The following SETD1A variants were observed in gnomAD, a reference collection of about 807,000 sequenced individuals.
SETD1A encodes the protein SET domain containing 1A, histone lysine methyltransferase.
In SETD1A, 29 loss-of-function variants were observed where a neutral mutation model predicts 149.9. The ratio of observed to expected loss-of-function variants is 0.19; its 90% confidence interval spans 0.14 to 0.26. SETD1A has a LOEUF of 0.26. SETD1A is among the 10% of genes least tolerant of loss of function. The pLI, the probability that SETD1A is intolerant of heterozygous loss-of-function variation, is 1.00. For synonymous variants in SETD1A, 1,141 were observed against 968.5 expected, an observed-to-expected ratio of 1.18 and a Z score of -3.31; for missense variants, 2,109 against 2,353.1, an observed-to-expected ratio of 0.90 and a Z score of 2.15.
chr16:30,967,086 G>A, intron 9 of SETD1A, 26 bp downstream of exon 9: 2 of 1,509,412 alleles, frequency 1.3e-6, no homozygotes, highest in Non-Finnish European at 1.8e-6. Context: ...GTTTTGTGGG[G>A]TAGGGTGGGG....
intron 13 of SETD1A, 79 bp from the exon 14 acceptor site, chr16:30,979,066 G>A: frequency 7.1e-7 from 1 of 1,404,902 alleles, no homozygotes; most frequent in Non-Finnish European, 9.5e-7. Flanking sequence ...AGAGCACACA[G>A]CCTGTGGTCA....
rs2143586335 is a variant in SETD1A at position 30,980,378 on chromosome 16, C to G, written c.4409-107C>G. The stretch of plus-strand genomic sequence containing the variant: ...AGGAACGATGGGGCTGGGGCTTCCT[C>G]CCCTGTCCCTCACCTGGGTATGCTC... On this transcript the variant is annotated intron_variant, in intron 14 of 18. Coordinates refer to ENST00000262519, the MANE Select transcript of SETD1A (RefSeq NM_014712.3). The surrounding 1 kb of genome is among the most constrained non-coding windows in gnomAD (Gnocchi z 7.7). The G allele has an allele frequency of 2.0e-6, 3 of 1,474,626 alleles. No individual in the cohort carries two copies. Among genetic ancestry groups the G allele is most frequent in the Non-Finnish European group, 2.7e-6 (3 of 1,092,508 alleles). The allele number at this position is 1,474,626 out of a possible 1,614,324, so 91.3% of individuals were successfully genotyped here.
Position 30,961,661 on chromosome 16 carries a change from C to T in SETD1A, c.517+124C>T. Reference sequence around the variant, plus strand: ...GAAACTGCTGGGGCCAGTTGTGTTTCTGAAATCAGATCAGATTTTAGAGTG... The same window carrying T: ...GAAACTGCTGGGGCCAGTTGTGTTTTTGAAATCAGATCAGATTTTAGAGTG... On this transcript the variant is annotated intron_variant, in intron 4 of 18. Coordinates refer to ENST00000262519, the MANE Select transcript of SETD1A (RefSeq NM_014712.3). The surrounding 1 kb of genome is among the most constrained non-coding windows in gnomAD (Gnocchi z 4.0). 1.2e-6 allele frequency: 1 copy of T among 847,156 alleles called. No individual in the cohort carries two copies. The highest frequency in any genetic ancestry group is 2.8e-5 in the Admixed American group (1 of 35,870). 52.5% of individuals were successfully genotyped at this position (847,156 alleles called of 1,614,324 possible).
rs757130860 is a variant in SETD1A at position 30,983,791 on chromosome 16, G to A, written c.4950+19G>A. On this transcript the variant is annotated intron_variant, in intron 18 of 18. Coordinates refer to ENST00000262519, the MANE Select transcript of SETD1A (RefSeq NM_014712.3). The surrounding 1 kb of genome is among the most constrained non-coding windows in gnomAD (Gnocchi z 6.8). ...CTGCACGGTGCGCCAGGGGCCAGCC[G>A]GGGCAGGAGTTGGGGGTCGGTGGGG... The A allele has an allele frequency of 6.2e-6, 10 of 1,612,992 alleles. No individual in the cohort carries two copies. The highest frequency in any genetic ancestry group is 2.2e-5 in the South Asian group (2 of 91,044).
rs767546015 is a variant in SETD1A at position 30,971,712 on chromosome 16, G to C, written c.3351G>C (p.Arg1117Ser). The C allele has an allele frequency of 6.4e-7, 1 of 1,564,304 alleles. No individual in the cohort carries two copies. The highest frequency in any genetic ancestry group is 8.7e-7 in the Non-Finnish European group (1 of 1,152,130). Residue 1117 changes from arginine to serine, a missense_variant, in exon 13 of 19, where the codon AGG (arginine) becomes AGC (serine). Transcript: ENST00000262519. ...PLPEQEASPA[R>S]PAGPTEESPP... ...CCGAACAGGAGGCGTCTCCAGCAAG[G>C]CCTGCAGGTAGGTGCCACAGGGCTG... is the stretch of plus-strand genomic sequence containing the variant.
In SETD1A at chr16:30,964,813, T is replaced by C. The variant is rs2056113776; in HGVS notation, c.1071T>C (p.Ser357=). The change falls in exon 7 of 19, where the codon TCT becomes TCC. Residue 357 remains serine (S), a synonymous_variant. Coordinates refer to ENST00000262519, the MANE Select transcript of SETD1A (RefSeq NM_014712.3). ...SSSSSSSSSS[S]QFRSSDANYP... Reference sequence around the variant, plus strand: ...CGTCATCCTCTTCCTCCTCGTCCTCTCAGTTTCGTAGTTCTGATGCAAACT... The same window carrying C: ...CGTCATCCTCTTCCTCCTCGTCCTCCCAGTTTCGTAGTTCTGATGCAAACT... 6.8e-6 allele frequency: 11 copies of C among 1,614,096 alleles called. No individual in the cohort carries two copies. Among genetic ancestry groups the C allele is most frequent in the Non-Finnish European group, 8.5e-6 (10 of 1,179,978 alleles).
rs375786185 is a variant in SETD1A, at chr16:30,969,473, G to T, written c.2928+11G>T. 1 of 1,603,808 alleles carries T rather than the reference G, an allele frequency of 6.2e-7. No individual in the cohort carries two copies. The highest frequency in any genetic ancestry group is 1.1e-5 in the South Asian group (1 of 89,936). ...TCCTCCTCGGAGAAGGTGAGGGCCC[G>T]GGCGCCGGCTCCTGGCCGAAGCCTA... On this transcript the variant is annotated intron_variant, in intron 11 of 18. Coordinates refer to ENST00000262519, the MANE Select transcript of SETD1A (RefSeq NM_014712.3).
rs1480490747 is a variant in SETD1A at position 30,965,340 on chromosome 16, G to C, written c.1598G>C (p.Gly533Ala). ...GATACAGGGAGTGAGGTGCCTTCTG[G>C]GTCAGGGCATGGGCCCTGCACACCC... is the stretch of plus-strand genomic sequence containing the variant. ...ARDTGSEVPS[G>A]SGHGPCTPPP... The change falls in exon 7 of 19, where the codon GGG becomes GCG. Residue 533 changes from glycine (G) to alanine (A), a missense_variant. Transcript: ENST00000262519. 6.2e-7 allele frequency: 1 copy of C among 1,614,152 alleles called. No individual in the cohort carries two copies. Among genetic ancestry groups the C allele is most frequent in the African/African-American group, 1.3e-5 (1 of 75,054 alleles).
intron 10 of SETD1A, among the ~76,000 whole-genome samples, chr16:30,968,996 T>TA (rs1007007686): frequency 6.6e-6 from 1 of 151,778 alleles, no homozygotes; most frequent in Non-Finnish European, 1.5e-5. Flanking sequence ...TAGTCCCAGT[T>TA]ACTCAGGAGA....
In SETD1A at chr16:30,964,212, G is replaced by A. The variant is rs148087764; in HGVS notation, c.758G>A (p.Arg253Gln). The change falls in exon 6 of 19, where the codon CGA becomes CAA. Residue 253 changes from arginine (R) to glutamine (Q), a missense_variant. By Grantham distance (43) the Arg-to-Gln change is conservative. Transcript: ENST00000262519. ...CSQDTSFSSS[R>Q]QDTPSSFGQF... is the part of the protein sequence containing the mutation. The stretch of plus-strand genomic sequence containing the variant: ...CAGGACACAAGCTTCTCCAGCAGCC[G>A]ACAAGATACCCCATCTTCCTTTGGC... The A allele has an allele frequency of 1.5e-5, 25 of 1,613,874 alleles. No individual in the cohort carries two copies. The highest frequency in any genetic ancestry group is 4.0e-5 in the African/African-American group (3 of 74,838).
intron 12 of SETD1A, 113 bp downstream of exon 12, chr16:30,969,802 C>T: frequency 1.2e-6 from 1 of 839,734 alleles, no homozygotes; most frequent in Non-Finnish European, 2.0e-6. Flanking sequence ...GTCACCTTTG[C>T]CTTCTGCAAG....
At chr16:30,977,193 C>T (rs576168081) in intron 13 of SETD1A, among the ~76,000 whole-genome samples, 1 of 152,364 alleles carries the variant, frequency 6.6e-6, no homozygotes, top group African/African-American at 2.4e-5. Flanking sequence ...GTCCACCCGC[C>T]TCGGCCTCCC....
At chr16:30,974,914 G>A (rs949105530) in intron 13 of SETD1A, among the ~76,000 whole-genome samples, 10 of 151,988 alleles carry the variant, frequency 6.6e-5, no homozygotes, top group African/African-American at 1.2e-4. Flanking sequence ...GGGCTGAGGC[G>A]GGCAGATCAC....
In SETD1A at chr16:30,964,110, G is replaced by A. The variant is rs772143385; in HGVS notation, c.656G>A (p.Arg219His). 15 of 1,612,924 alleles carry A rather than the reference G, an allele frequency of 9.3e-6. No homozygotes were observed. The highest frequency in any genetic ancestry group is 3.3e-5 in the South Asian group (3 of 91,068). Residue 219 changes from arginine to histidine, a missense_variant, in exon 6 of 19, where the codon CGC (arginine) becomes CAC (histidine). Arg to His is a conservative substitution (Grantham distance 29). Transcript: ENST00000262519. ...TCGCTCTAGGCCGAATCCCGCCGCC[G>A]CTCTTCCTCTGACACAGCTGCCTAC... ...AATETAESRR[R>H]SSSDTAAYPA...
In SETD1A at chr16:30,980,810, C is replaced by T. The variant is rs1453011547; in HGVS notation, c.4653C>T (p.Ala1551=). ...RRLLSAIGTS[A]IMDSDLLKLN... ...TGCTGAGCGCCATCGGTACCTCCGC[C>T]ATCATGGACAGTGACCTGCTGAAAC... Residue 1551 remains alanine, a synonymous_variant, in exon 16 of 19, where the codon GCC becomes GCT. Coordinates refer to ENST00000262519, the MANE Select transcript of SETD1A (RefSeq NM_014712.3). The surrounding 1 kb of genome is among the most constrained non-coding windows in gnomAD (Gnocchi z 7.7). 1 of 1,549,294 alleles carries T rather than the reference C, an allele frequency of 6.5e-7. No individual in the cohort carries two copies. Among genetic ancestry groups the T allele is most frequent in the African/African-American group, 1.4e-5 (1 of 71,766 alleles).
chr16:30,961,147 C>T lies in SETD1A; in HGVS notation c.247-120C>T. The stretch of plus-strand genomic sequence containing the variant: ...GGATCCCTTATTTTGGGCCCCTTCC[C>T]TTGCCCCTCACTTTCCCGGATCTCT... On this transcript the variant is annotated intron_variant, in intron 3 of 18. Coordinates refer to ENST00000262519, the MANE Select transcript of SETD1A (RefSeq NM_014712.3). This position sits in a 1 kb window ranked among gnomAD's most constrained non-coding sequence, Gnocchi z 4.0. 9.7e-7 allele frequency: 1 copy of T among 1,031,278 alleles called. No individual in the cohort carries two copies. The highest frequency in any genetic ancestry group is 1.5e-6 in the Non-Finnish European group (1 of 676,854). 63.9% of individuals were successfully genotyped at this position (1,031,278 alleles called of 1,614,324 possible).
intron 5 of SETD1A, among the ~76,000 whole-genome samples, 158 bp downstream of exon 5, chr16:30,963,712 G>C (rs927293570): frequency 9.9e-5 from 15 of 152,214 alleles, no homozygotes; most frequent in Non-Finnish European, 1.9e-4. Flanking sequence ...GGAACTAGGG[G>C]CCAGGCACAG....
At position 30,966,985 on chromosome 16, in the gene SETD1A, C is replaced by T. The variant is rs776505959; in HGVS notation, c.2607C>T (p.Ser869=). ...GLLSLVDWAK[S]GGTTGIEAFA... ...TGTCCCTCGTGGACTGGGCCAAGAG[C>T]GGGGGCACTACGGGCATCGAGGCTT... The change falls in exon 9 of 19, where the codon AGC becomes AGT. Residue 869 remains serine, a synonymous_variant. Coordinates refer to ENST00000262519, the MANE Select transcript of SETD1A (RefSeq NM_014712.3). 6.3e-6 allele frequency: 10 copies of T among 1,594,622 alleles called. No individual in the cohort carries two copies. In the East Asian group the frequency reaches 6.8e-5, roughly 11 times the overall value.
chr16:30,967,452 C>T, intron 9 of SETD1A, 49 bp from the exon 10 acceptor site: 2 of 1,556,676 alleles, frequency 1.3e-6, no homozygotes, highest in Non-Finnish European at 1.8e-6. Context: ...CCGTGCTCTG[C>T]CTGAGTGTTT....
Sources: gnomAD v4.1 joint callset for allele counts (sites outside exome capture counted in the v4.1 genomes callset) on GRCh38, gnomAD v4.1.1 for gene constraint, Gnocchi (gnomAD v3.1) non-coding constraint, MANE v1.5 for transcripts, NCBI Gene and HGNC (gene_info 2026-07-23, HGNC 2026-07-21) for gene names.